The following C2orf76 variants were observed in gnomAD, a reference collection of about 807,000 sequenced individuals.
C2orf76 encodes the protein UPF0538 protein C2orf76.
A neutral mutation model predicts 16.9 loss-of-function variants in C2orf76; 23 were observed. The ratio of observed to expected loss-of-function variants is 1.36; its 90% CI spans 0.98 to 1.93. The LOEUF is 1.93. C2orf76 is among the 30% of genes most tolerant of loss of function. C2orf76 has a pLI of 0.00. For synonymous variants in C2orf76, 48 were observed against 52.3 expected (o/e 0.92, Z 0.35); for missense variants, 152 against 152.6 (o/e 1.00, Z 0.02).
At chr2:119,304,898 A>T (rs1046298315) in intron 5 of C2orf76, among the ~76,000 whole-genome samples, 1 of 152,240 alleles carries the variant, frequency 6.6e-6, no homozygotes, top group African/African-American at 2.4e-5. Context: ...TTTCTACATC[A>T]TCACTTTCCA....
At chr2:119,297,170 G>A in the C2orf76 span, among the ~76,000 whole-genome samples, 29 of 152,238 alleles carry the variant, frequency 1.9e-4, no homozygotes, top group Non-Finnish European at 2.9e-4. Flanking sequence ...ACTCTGCAAA[G>A]TGGCCCTTAT....
the C2orf76 span, among the ~76,000 whole-genome samples, chr2:119,295,661 T>C: frequency 1.3e-5 from 2 of 152,148 alleles, no homozygotes; most frequent in Non-Finnish European, 2.9e-5. Context: ...GTATTGGACA[T>C]AATAGAAATG....
intron 1 of C2orf76, chr2:119,366,281 T>C: frequency 2.6e-6 from 1 of 384,276 alleles, no homozygotes; most frequent in South Asian, 1.9e-5. Context: ...ATTTAACAAA[T>C]ATTTGCTGAG....
the C2orf76 span, among the ~76,000 whole-genome samples, chr2:119,296,602 C>T: frequency 1.3e-5 from 2 of 152,134 alleles, no homozygotes; most frequent in Admixed American, 6.5e-5. Flanking sequence ...TCCAAAGGGG[C>T]TCAGGCCAGG....
downstream of C2orf76, among the ~76,000 whole-genome samples, chr2:119,300,510 T>A (rs2104525599): frequency 6.6e-6 from 1 of 152,308 alleles, no homozygotes; most frequent in South Asian, 2.1e-4. Flanking sequence ...CAACCTACCT[T>A]TCTGGCCTTA....
At chr2:119,308,899 C>T (rs1678883470) in intron 5 of C2orf76, among the ~76,000 whole-genome samples, 1 of 152,144 alleles carries the variant, frequency 6.6e-6, no homozygotes, top group Non-Finnish European at 1.5e-5. Context: ...CATATTCATT[C>T]CCGACGGTGG....
rs369654059 is a variant in C2orf76 at position 119,312,890 on chromosome 2, C to T, written c.223-1187G>A. Among the ~76,000 whole-genome samples the T allele has an allele frequency of 5.9e-5, 9 of 151,964 alleles. No individual in the cohort carries two copies. In the East Asian group the frequency reaches 1.4e-3, roughly 23 times the overall value. On this transcript the variant is annotated intron_variant, in intron 4 of 5. Transcript: ENST00000334816. ...AAAATACAAAAAAATTAGCCGGGAG[C>T]GGTGGCAGGTGCCTGTAGTCCCAGC...
Position 119,315,653 on chromosome 2 carries a change from C to T in C2orf76, c.222+1813G>A, listed in dbSNP as rs1301146850. Among the ~76,000 whole-genome samples, 8 of 152,294 alleles carry T rather than the reference C, an allele frequency of 5.3e-5. No individual in the cohort carries two copies. In the East Asian group the frequency reaches 1.3e-3, roughly 26 times the overall value. ...TTGAAGCAGAAACTTGCAGAACCAT[C>T]CCCAGGGCATCTTAACTAGCATTGT... On this transcript the variant is annotated intron_variant, in intron 4 of 5. Coordinates refer to ENST00000334816, the MANE Select transcript of C2orf76 (RefSeq NM_001322331.2).
intron 2 of C2orf76, among the ~76,000 whole-genome samples, chr2:119,322,428 A>G (rs892804292): frequency 6.6e-6 from 1 of 151,990 alleles, no homozygotes; most frequent in African/African-American, 2.4e-5. Flanking sequence ...GGCTGGTCTC[A>G]AACTCCTGAA....
chr2:119,317,595 A>T, intron 3 of C2orf76, 92 bp from the exon 4 acceptor site: 1 of 935,550 alleles, frequency 1.1e-6, no homozygotes, highest in Non-Finnish European at 1.6e-6. Context: ...TACGAAATTG[A>T]GAAATGTAAG....
intron 4 of C2orf76, among the ~76,000 whole-genome samples, chr2:119,316,159 T>G (rs1453376078): frequency 6.6e-6 from 1 of 152,230 alleles, no homozygotes; most frequent in Non-Finnish European, 1.5e-5. Flanking sequence ...ACATTACCTA[T>G]TCTCTACATT....
At chr2:119,334,461 G>A (rs1679778349) in intron 2 of C2orf76, among the ~76,000 whole-genome samples, 1 of 150,234 alleles carries the variant, frequency 6.7e-6, no homozygotes, top group South Asian at 2.1e-4. Context: ...CCGAGGCAGC[G>A]GACTGCCTGA....
intron 2 of C2orf76, among the ~76,000 whole-genome samples, chr2:119,333,254 G>C (rs1272584583): frequency 6.6e-6 from 1 of 152,190 alleles, no homozygotes; most frequent in South Asian, 2.1e-4. Context: ...CTACAGAAGA[G>C]TGCCAGATAA....
At chr2:119,366,393 T>C (rs941361251) in intron 1 of C2orf76, 1 of 471,062 alleles carries the variant, frequency 2.1e-6, no homozygotes, top group Non-Finnish European at 4.4e-6. Flanking sequence ...AAATGTGCAA[T>C]ACAGGCCTGA....
chr2:119,348,556 C>G (rs574019717), intron 1 of C2orf76, among the ~76,000 whole-genome samples: 1 of 151,854 alleles, frequency 6.6e-6, no homozygotes, highest in African/African-American at 2.4e-5. Flanking sequence ...CGTGGTGGTG[C>G]GCGCCTGTAA....
intron 2 of C2orf76, among the ~76,000 whole-genome samples, chr2:119,334,638 C>T (rs545093108): frequency 1.3e-5 from 2 of 150,192 alleles, no homozygotes; most frequent in African/African-American, 4.9e-5. Flanking sequence ...TGCAGTGAGC[C>T]GAGATGGTGC....
At chr2:119,318,733 T>C (rs1398364238) in intron 3 of C2orf76, among the ~76,000 whole-genome samples, 4 of 152,046 alleles carry the variant, frequency 2.6e-5, no homozygotes, top group Non-Finnish European at 4.4e-5. Flanking sequence ...TTTCACCATG[T>C]TGGCTAGGTC....
chr2:119,360,222 T>C (rs1032876909), intron 1 of C2orf76, among the ~76,000 whole-genome samples: 2 of 152,180 alleles, frequency 1.3e-5, no homozygotes, highest in Non-Finnish European at 2.9e-5. Flanking sequence ...GGCTCATGCC[T>C]GTAATCCCAA....
chr2:119,293,770 G>C, the C2orf76 span, among the ~76,000 whole-genome samples: 51 of 152,214 alleles, frequency 3.4e-4, no homozygotes, highest in African/African-American at 1.2e-3. Context: ...GGCTGTGGGG[G>C]TAAAAGAAAA....
Sources: allele counts gnomAD v4.1 joint callset (sites outside exome capture counted in the v4.1 genomes callset), GRCh38; gene constraint gnomAD v4.1.1; transcripts MANE v1.5; gene names NCBI Gene and HGNC (gene_info 2026-07-23, HGNC 2026-07-21).